The following DCUN1D1 variants were observed in gnomAD, a reference collection of about 807,000 sequenced individuals.
The protein encoded by DCUN1D1 is DCN1-like protein 1.
A neutral mutation model predicts 39.0 loss-of-function variants in DCUN1D1; 3 were observed. That is an observed-to-expected ratio of 0.08 (90% CI 0.04 to 0.20). The LOEUF (loss-of-function observed/expected upper bound fraction) is 0.20, where lower values mean the gene tolerates loss of function less well. Among genes scored for constraint, DCUN1D1 ranks in the 10% least tolerant of loss-of-function variants. DCUN1D1 has a pLI of 1.00. For missense variants in DCUN1D1, 158 were observed against 302.4 expected (o/e 0.52, Z 3.54); for synonymous variants, 82 against 96.3 (o/e 0.85, Z 0.87).
intron 4 of DCUN1D1, among the ~76,000 whole-genome samples, chr3:182,953,653 T>G (rs1403921324): frequency 6.6e-6 from 1 of 152,226 alleles, no homozygotes; most frequent in Non-Finnish European, 1.5e-5. Flanking sequence ...TTATCATTAT[T>G]TTAAATCATT....
In DCUN1D1 at chr3:182,965,526, C is replaced by T; in HGVS notation, c.220+11G>A. ...TCCAAAATTTACTTAAAGTCACAAG[C>T]AAGCACTCACCTTTGTATCTATTGT... On this transcript the variant is annotated intron_variant, in intron 2 of 6. Coordinates refer to ENST00000292782, the MANE Select transcript of DCUN1D1 (RefSeq NM_020640.4). 1.3e-6 allele frequency: 2 copies of T among 1,583,832 alleles called. No homozygotes were observed. Among genetic ancestry groups the T allele is most frequent in the Non-Finnish European group, 1.7e-6 (2 of 1,157,222 alleles).
chr3:182,975,893 T>G (rs1246042149), intron 1 of DCUN1D1, among the ~76,000 whole-genome samples: 1 of 151,390 alleles, frequency 6.6e-6, no homozygotes, highest in African/African-American at 2.4e-5. Context: ...TAATGCCTAT[T>G]TCAGAAGTGG....
chr3:182,981,911 T>C (rs906838513), upstream of DCUN1D1, among the ~76,000 whole-genome samples: 4 of 152,238 alleles, frequency 2.6e-5, no homozygotes, highest in Non-Finnish European at 1.5e-5. Context: ...TGCTGGGCTC[T>C]GGGTAAATAG....
chr3:182,968,587 T>TAC (rs962095565), intron 1 of DCUN1D1, among the ~76,000 whole-genome samples: 1 of 151,864 alleles, frequency 6.6e-6, no homozygotes, highest in African/African-American at 2.4e-5. Flanking sequence ...ATAAATGATA[T>TAC]ATATATATAA....
At chr3:182,954,190 AAT>A (rs1360147537) in intron 4 of DCUN1D1, among the ~76,000 whole-genome samples, 1 of 152,246 alleles carries the variant, frequency 6.6e-6, no homozygotes, top group African/African-American at 2.4e-5. Flanking sequence ...CAGCAAATAA[AAT>A]ATGTGTGTAC....
rs1315654523 is a variant in DCUN1D1 at position 182,943,870 on chromosome 3, C to T, written c.*1224G>A. The T allele has an allele frequency of 4.6e-5, 7 of 152,586 alleles. No individual in the cohort carries two copies. The East Asian group carries it at 9.6e-4, about 21-fold the overall frequency. 9.5% of individuals were successfully genotyped at this position (152,586 alleles called of 1,614,324 possible). On this transcript the variant is annotated 3_prime_UTR_variant, in exon 7 of 7. Transcript: ENST00000292782. The stretch of plus-strand genomic sequence containing the variant: ...TGAGCTAATCTGAGTGAAACGAAAA[C>T]AGTAAAGAGACTAGAAGCCAGATTG...
intron 1 of DCUN1D1, among the ~76,000 whole-genome samples, chr3:182,978,237 C>G (rs986953680): frequency 1.3e-5 from 2 of 152,076 alleles, no homozygotes; most frequent in African/African-American, 4.8e-5. Flanking sequence ...TGGAAATGGG[C>G]TGCAGCTACA....
At position 182,947,508 on chromosome 3, in the gene DCUN1D1, A is replaced by G. The variant is rs369260437; in HGVS notation, c.603+42T>C. ...GTTAATTTATCTTTAAACATAGCAGAATTTGAGAAAACAGAGAGAAATGTA... is the reference window on the plus strand; with the variant it reads ...GTTAATTTATCTTTAAACATAGCAGGATTTGAGAAAACAGAGAGAAATGTA... On this transcript the variant is annotated intron_variant, in intron 5 of 6. Coordinates refer to ENST00000292782, the MANE Select transcript of DCUN1D1 (RefSeq NM_020640.4). 1.9e-5 allele frequency: 24 copies of G among 1,277,916 alleles called. No homozygotes were observed. In the African/African-American group the frequency reaches 3.4e-4, roughly 18 times the overall value. The allele number at this position is 1,277,916 out of a possible 1,614,324, so 79.2% of individuals were successfully genotyped here.
At chr3:182,961,945 A>G (rs929989371) in intron 3 of DCUN1D1, among the ~76,000 whole-genome samples, 1 of 152,216 alleles carries the variant, frequency 6.6e-6, no homozygotes, top group Non-Finnish European at 1.5e-5. Context: ...CTAAGTACCA[A>G]GCCTTACTTT....
chr3:182,965,820 GCTAA>G (rs1727639159), intron 1 of DCUN1D1, 67 bp from the exon 2 acceptor site: 1 of 1,007,398 alleles, frequency 9.9e-7, no homozygotes, highest in Non-Finnish European at 1.5e-6. Flanking sequence ...TTTCTATATG[GCTAA>G]CTAAACATTC....
chr3:182,954,512 C>T (rs901018830), intron 4 of DCUN1D1, among the ~76,000 whole-genome samples: 2 of 152,086 alleles, frequency 1.3e-5, no homozygotes, highest in African/African-American at 2.4e-5. Context: ...CTGATGCCGG[C>T]AGTTTCTTCA....
In DCUN1D1 at chr3:182,943,265, C is replaced by A. The variant is rs1170721903; in HGVS notation, c.*1829G>T. On this transcript the variant is annotated 3_prime_UTR_variant, in exon 7 of 7. Coordinates refer to ENST00000292782, the MANE Select transcript of DCUN1D1 (RefSeq NM_020640.4). The stretch of plus-strand genomic sequence containing the variant: ...TATATAGATATATAGATATATATAT[C>A]TTTTAAAAATTTTTCATAATTGAAG... 1 of 148,812 alleles carries A rather than the reference C, an allele frequency of 6.7e-6. No individual in the cohort carries two copies. The highest frequency in any genetic ancestry group is 1.5e-5 in the Non-Finnish European group (1 of 66,968). 9.2% of individuals were successfully genotyped at this position (148,812 alleles called of 1,614,324 possible).
Position 182,965,554 on chromosome 3 carries a change from A to T in DCUN1D1, c.203T>A (p.Leu68Gln). 2 of 1,612,768 alleles carry T rather than the reference A, an allele frequency of 1.2e-6. No individual in the cohort carries two copies. The highest frequency in any genetic ancestry group is 1.7e-6 in the Non-Finnish European group (2 of 1,178,964). ...GSLDRKKLEQ[L>Q]YNRYKDPQDE... The stretch of plus-strand genomic sequence containing the variant: ...GCACTCACCTTTGTATCTATTGTAC[A>T]GCTGTTCTAACTTCTTCCTGTCCAA... The change falls in exon 2 of 7, where the codon CTG becomes CAG. Residue 68 changes from leucine to glutamine, a missense_variant. Leu to Gln is a moderately radical substitution (Grantham distance 113, BLOSUM62 -2). This residue lies in a region of DCUN1D1 where 107 missense variants were observed against 174.7 expected (regional missense o/e 0.61). Coordinates refer to ENST00000292782, the MANE Select transcript of DCUN1D1 (RefSeq NM_020640.4).
At chr3:182,980,126 G>A in intron 1 of DCUN1D1, 1 of 942,174 alleles carries the variant, frequency 1.1e-6, no homozygotes, top group Non-Finnish European at 1.3e-6. Flanking sequence ...GCCGGCAGAG[G>A]GGCAGGGGCA....
intron 1 of DCUN1D1, among the ~76,000 whole-genome samples, chr3:182,973,494 T>C (rs1728053838): frequency 1.3e-5 from 2 of 152,292 alleles, no homozygotes; most frequent in South Asian, 4.1e-4. Context: ...CAATGATACA[T>C]TATGGCAATC....
chr3:182,983,711 GAAA>G (rs796260820), upstream of DCUN1D1, among the ~76,000 whole-genome samples: 55 of 142,178 alleles, frequency 3.9e-4, no homozygotes, highest in Non-Finnish European at 1.5e-5. Context: ...CCACCTCAAA[GAAA>G]AAAAAAAAGA....
intron 4 of DCUN1D1, among the ~76,000 whole-genome samples, chr3:182,954,481 C>CGA (rs1274565795): frequency 6.6e-6 from 1 of 152,132 alleles, no homozygotes; most frequent in Non-Finnish European, 1.5e-5. Flanking sequence ...TTTTGCTGAA[C>CGA]GAGAGCCTTG....
chr3:182,963,706 T>C (rs147533967), intron 3 of DCUN1D1, among the ~76,000 whole-genome samples, 175 bp downstream of exon 3: 1 of 152,326 alleles, frequency 6.6e-6, no homozygotes, highest in African/African-American at 2.4e-5. Flanking sequence ...ACTAACTATA[T>C]AAATAACTTG....
chr3:182,943,470 A>C lies in DCUN1D1; in HGVS notation c.*1624T>G, dbSNP rs1002205968. 10 of 152,590 alleles carry C rather than the reference A, an allele frequency of 6.6e-5. No individual in the cohort carries two copies. Among genetic ancestry groups the C allele is most frequent in the African/African-American group, 2.2e-4 (9 of 41,454 alleles). The allele number at this position is 152,590 out of a possible 1,614,324, so 9.5% of individuals were successfully genotyped here. On this transcript the variant is annotated 3_prime_UTR_variant, in exon 7 of 7. Coordinates refer to ENST00000292782, the MANE Select transcript of DCUN1D1 (RefSeq NM_020640.4). ...GGAATATTAATATGTCTATAGGGAA[A>C]GCTTTCTAGTCTATTTCAAAATCAT...
Sources: gnomAD v4.1 joint callset for allele counts (sites outside exome capture counted in the v4.1 genomes callset) on GRCh38, gnomAD v4.1.1 for gene constraint, gnomAD v4.1.1 regional missense constraint, MANE v1.5 for transcripts, NCBI Gene and HGNC (gene_info 2026-07-23, HGNC 2026-07-21) for gene names.